Variants in MET observed in about 807,000 individuals in gnomAD.
MET encodes the protein hepatocyte growth factor receptor.
A neutral mutation model predicts 133.1 loss-of-function variants in MET; 48 were observed. That is an observed-to-expected ratio of 0.36 (90% CI 0.29 to 0.46). The LOEUF (loss-of-function observed/expected upper bound fraction) is 0.46. Among genes scored for constraint, MET ranks in the 20% least tolerant of loss-of-function variants. The pLI is 1.00. For missense variants in MET, 1,442 were observed against 1,695.9 expected, an observed-to-expected ratio of 0.85 and a Z score of 2.63; for synonymous variants, 628 against 616.5, an observed-to-expected ratio of 1.02 and a Z score of -0.28.
At chr7:116,734,081 T>A (rs1793122154) in intron 3 of MET, among the ~76,000 whole-genome samples, 1 of 152,222 alleles carries the variant, frequency 6.6e-6, no homozygotes, top group Non-Finnish European at 1.5e-5. Context: ...CCTCCCACTT[T>A]AATCTGTCAG....
chr7:116,793,342 T>A (rs1795571897), intron 19 of MET, among the ~76,000 whole-genome samples: 1 of 151,862 alleles, frequency 6.6e-6, no homozygotes, highest in Non-Finnish European at 1.5e-5. Flanking sequence ...GCCTGGCTAA[T>A]TTTTGTATTT....
At chr7:116,766,084 C>CT (rs1370291128) in intron 11 of MET, among the ~76,000 whole-genome samples, 1 of 152,130 alleles carries the variant, frequency 6.6e-6, no homozygotes, top group East Asian at 1.9e-4. Flanking sequence ...TAGCTCTTAA[C>CT]TTTTTATAAA....
chr7:116,788,163 G>A (rs536778690), intron 19 of MET, among the ~76,000 whole-genome samples: 3 of 152,276 alleles, frequency 2.0e-5, no homozygotes, highest in African/African-American at 7.2e-5. Flanking sequence ...GTGGTTGCCT[G>A]GGGCCAAGAG....
At chr7:116,793,176 T>C (rs1156842060) in intron 19 of MET, among the ~76,000 whole-genome samples, 1 of 143,812 alleles carries the variant, frequency 7.0e-6, no homozygotes, top group African/African-American at 2.5e-5. Flanking sequence ...TAACGCACTT[T>C]CTTTTTTTTT....
intron 5 of MET, among the ~76,000 whole-genome samples, chr7:116,754,953 G>GAA (rs1794096335): frequency 9.5e-6 from 1 of 105,504 alleles, no homozygotes; most frequent in East Asian, 2.8e-4. Context: ...GAAAGAAAGA[G>GAA]AAAGAAAGAG....
At chr7:116,782,464 C>T (rs1329862044) in intron 18 of MET, among the ~76,000 whole-genome samples, 1 of 152,208 alleles carries the variant, frequency 6.6e-6, no homozygotes, top group Non-Finnish European at 1.5e-5. Context: ...CAAATACCAA[C>T]ATATTGCAAC....
intron 19 of MET, among the ~76,000 whole-genome samples, chr7:116,785,510 G>T (rs906324485): frequency 1.3e-5 from 2 of 152,114 alleles, no homozygotes; most frequent in Non-Finnish European, 2.9e-5. Flanking sequence ...CCAGATCTCC[G>T]TAGAATTCTA....
At chr7:116,673,332 GA>G (rs1425950145) in intron 1 of MET, among the ~76,000 whole-genome samples, 1 of 152,224 alleles carries the variant, frequency 6.6e-6, no homozygotes, top group African/African-American at 2.4e-5. Flanking sequence ...GCTCACGCAT[GA>G]ATAGTTGCCC....
chr7:116,675,946 T>C (rs917282326), intron 1 of MET, among the ~76,000 whole-genome samples: 1 of 152,188 alleles, frequency 6.6e-6, no homozygotes, highest in African/African-American at 2.4e-5. Context: ...GTTAAACAGG[T>C]TAGTATATTC....
At position 116,705,935 on chromosome 7, in the gene MET, G is replaced by A. The variant is rs1298692173; in HGVS notation, c.1200+5651G>A. ...CTGAGATCACTGGGCACACCCTTGGGGTGTTAGAAAACATGTTACAAAATG... is the reference window on the plus strand; with the variant it reads ...CTGAGATCACTGGGCACACCCTTGGAGTGTTAGAAAACATGTTACAAAATG... On this transcript the variant is annotated intron_variant, in intron 2 of 20. Transcript: ENST00000397752. Among the ~76,000 whole-genome samples the A allele has an allele frequency of 2.6e-5, 4 of 151,834 alleles. No individual in the cohort carries two copies. The South Asian group carries it at 8.4e-4, about 32-fold the overall frequency.
intron 6 of MET, among the ~76,000 whole-genome samples, chr7:116,756,665 T>A (rs901124250): frequency 6.6e-6 from 1 of 152,198 alleles, no homozygotes; most frequent in East Asian, 1.9e-4. Flanking sequence ...TGGAAAGCCA[T>A]CACAATTTCA....
At chr7:116,731,134 A>C (rs1414667581) in intron 2 of MET, among the ~76,000 whole-genome samples, 2 of 152,216 alleles carry the variant, frequency 1.3e-5, no homozygotes, top group Non-Finnish European at 2.9e-5. Context: ...TACATAAAGC[A>C]AGTAAGCATT....
At chr7:116,673,288 T>G (rs1360287480) in intron 1 of MET, among the ~76,000 whole-genome samples, 1 of 152,228 alleles carries the variant, frequency 6.6e-6, no homozygotes, top group Admixed American at 6.5e-5. Context: ...AAAAGAGCCA[T>G]TTGCTAATTT....
At chr7:116,793,172 ACTTT>A (rs1795565951) in intron 19 of MET, among the ~76,000 whole-genome samples, 1 of 144,604 alleles carries the variant, frequency 6.9e-6, no homozygotes, top group African/African-American at 2.5e-5. Context: ...AGTCTAACGC[ACTTT>A]CTTTTTTTTT....
chr7:116,716,517 G>T (rs1792239661), intron 2 of MET, among the ~76,000 whole-genome samples: 1 of 148,370 alleles, frequency 6.7e-6, no homozygotes, highest in Non-Finnish European at 1.5e-5. Flanking sequence ...AAGAAAGAAA[G>T]AAAGAAAGAA....
At chr7:116,683,694 G>A (rs891769620) in intron 1 of MET, among the ~76,000 whole-genome samples, 1 of 152,102 alleles carries the variant, frequency 6.6e-6, no homozygotes, top group Non-Finnish European at 1.5e-5. Flanking sequence ...CTAATCACCA[G>A]TGCCCTCCTC....
chr7:116,751,985 T>C (rs909115462), intron 5 of MET, among the ~76,000 whole-genome samples: 2 of 151,842 alleles, frequency 1.3e-5, no homozygotes, highest in Non-Finnish European at 2.9e-5. Context: ...GGCGTGAACC[T>C]GGGTGGCGGA....
intron 5 of MET, 143 bp from the exon 6 acceptor site, chr7:116,755,212 G>A: frequency 2.0e-6 from 2 of 1,008,100 alleles, no homozygotes; most frequent in Non-Finnish European, 2.9e-6. Context: ...TCCCTTTAGT[G>A]AAAATTAAAT....
chr7:116,790,905 C>G (rs1451472823), intron 19 of MET, among the ~76,000 whole-genome samples: 1 of 152,104 alleles, frequency 6.6e-6, no homozygotes, highest in Non-Finnish European at 1.5e-5. Context: ...GGTAAAACCC[C>G]ATCTCCACTA....
Sources: gnomAD v4.1 joint callset for allele counts (sites outside exome capture counted in the v4.1 genomes callset) on GRCh38, gnomAD v4.1.1 for gene constraint, MANE v1.5 for transcripts, NCBI Gene and HGNC (gene_info 2026-07-23, HGNC 2026-07-21) for gene names.